The following SBF2 variants were observed in gnomAD, a reference collection of about 807,000 sequenced individuals.
The protein encoded by SBF2 is SET binding factor 2, also known as myotubularin-related protein 13.
Under a neutral mutation model 225.2 loss-of-function variants are expected in SBF2, and 112 were observed. That is an observed-to-expected ratio of 0.50 (90% CI 0.43 to 0.58). SBF2 has a LOEUF of 0.58. Ranked by LOEUF, SBF2 falls within the 20% of genes least tolerant of loss-of-function variation. The pLI, the probability that SBF2 is intolerant of heterozygous loss-of-function variation, is 0.00. For synonymous variants in SBF2, 763 were observed against 773.3 expected, an observed-to-expected ratio of 0.99 and a Z score of 0.22; for missense variants, 1,996 against 2,206.2, an observed-to-expected ratio of 0.90 and a Z score of 1.91.
At chr11:10,055,579 ATAC>A (rs1950228805) in intron 2 of SBF2, among the ~76,000 whole-genome samples, 1 of 151,034 alleles carries the variant, frequency 6.6e-6, no homozygotes, top group African/African-American at 2.4e-5. Flanking sequence ...ACACCATGGA[ATAC>A]TACTAACTCA....
intron 1 of SBF2, among the ~76,000 whole-genome samples, chr11:10,273,431 A>G (rs1196466565): frequency 6.6e-6 from 1 of 152,264 alleles, no homozygotes; most frequent in East Asian, 1.9e-4. Context: ...AGAAAAGACT[A>G]CAATGAATCA....
chr11:10,247,861 A>G (rs764151080), intron 1 of SBF2, among the ~76,000 whole-genome samples: 3 of 152,204 alleles, frequency 2.0e-5, no homozygotes, highest in Non-Finnish European at 4.4e-5. Context: ...GAGCCCTTAC[A>G]GTACCTGATT....
rs191272898 is a variant in SBF2, at chr11:9,917,813, C to T, written c.1861-21802G>A. 1.8e-3 allele frequency among the ~76,000 whole-genome samples: 272 copies of T among 151,502 alleles called. 13 individuals are homozygous for T. The highest frequency in any genetic ancestry group is 6.3e-3 in the African/African-American group (259 of 40,894). ...ACCACCCTCCTCAGCTCCATCTGACCGGACACCTCCAATTTGATGTCTTTA... is the reference window on the plus strand; with the variant it reads ...ACCACCCTCCTCAGCTCCATCTGACTGGACACCTCCAATTTGATGTCTTTA... On this transcript the variant is annotated intron_variant, in intron 16 of 39. Transcript: ENST00000256190.
rs1374386071 is a variant in SBF2, at chr11:10,097,787, C to A, written c.142-54806G>T. ...CATCCCTCCCCTAAAGCCGCACAGC[C>A]CAGTGCCAAGAGAGATCCAATCAGC... On this transcript the variant is annotated intron_variant, in intron 2 of 39. Transcript: ENST00000256190. Among the ~76,000 whole-genome samples the A allele has an allele frequency of 3.9e-5, 6 of 152,196 alleles. 1 individual carries two copies. The highest frequency in any genetic ancestry group is 4.2e-4 in the South Asian group (2 of 4,814).
chr11:9,846,870 A>G, intron 23 of SBF2, 86 bp downstream of exon 23: 5 of 1,444,520 alleles, frequency 3.5e-6, no homozygotes, highest in Non-Finnish European at 4.8e-6. Context: ...TTAACTTCTG[A>G]GCACATGACC....
intron 16 of SBF2, among the ~76,000 whole-genome samples, chr11:9,921,777 T>C (rs1863651166): frequency 6.6e-6 from 1 of 152,362 alleles, no homozygotes; most frequent in East Asian, 1.9e-4. Context: ...AAAACTTGCA[T>C]ACAGTCTCTT....
At chr11:9,924,329 G>A (rs1170735331) in intron 16 of SBF2, among the ~76,000 whole-genome samples, 6 of 152,120 alleles carry the variant, frequency 3.9e-5, no homozygotes, top group African/African-American at 1.2e-4. Flanking sequence ...AGATGATTCT[G>A]CCCAACTGTA....
chr11:10,042,829 T>C lies in SBF2; in HGVS notation c.279+15A>G, dbSNP rs369317603. The C allele has an allele frequency of 6.8e-6, 11 of 1,613,426 alleles. No individual in the cohort carries two copies. The African/African-American group carries it at 1.1e-4, about 16-fold the overall frequency. Reference sequence around the variant, plus strand: ...GTACCTTCGACTGTACTTTAGCTAGTAAAGGTTTTTGTACCTGAAGATTGA... The same window carrying C: ...GTACCTTCGACTGTACTTTAGCTAGCAAAGGTTTTTGTACCTGAAGATTGA... On this transcript the variant is annotated intron_variant, in intron 3 of 39. Transcript: ENST00000256190.
At chr11:10,117,126 T>C (rs1953177479) in intron 2 of SBF2, among the ~76,000 whole-genome samples, 1 of 152,100 alleles carries the variant, frequency 6.6e-6, no homozygotes, top group Non-Finnish European at 1.5e-5. Context: ...TACTGATACA[T>C]GAAGTAAGGA....
At chr11:9,962,849 G>C (rs760796879) in intron 15 of SBF2, among the ~76,000 whole-genome samples, 1 of 152,128 alleles carries the variant, frequency 6.6e-6, no homozygotes, top group Non-Finnish European at 1.5e-5. Context: ...ATAAGAAATA[G>C]GATGTGAAAG....
At chr11:10,057,321 C>T (rs1050643771) in intron 2 of SBF2, among the ~76,000 whole-genome samples, 2 of 152,178 alleles carry the variant, frequency 1.3e-5, no homozygotes, top group African/African-American at 2.4e-5. Flanking sequence ...CACAGCCTCT[C>T]TGCCACTACC....
chr11:9,864,695 T>C (rs910155470), intron 17 of SBF2, among the ~76,000 whole-genome samples: 3 of 151,932 alleles, frequency 2.0e-5, no homozygotes, highest in African/African-American at 7.3e-5. Context: ...TTGAACTCTG[T>C]TTTTAAACCA....
intron 16 of SBF2, chr11:9,958,094 A>G (rs547051881): frequency 6.6e-6 from 1 of 152,308 alleles, no homozygotes; most frequent in East Asian, 1.9e-4. Context: ...GGTCCCTCAA[A>G]GAAAAAATCC....
chr11:9,876,366 T>C (rs1423837659), intron 17 of SBF2, among the ~76,000 whole-genome samples: 2 of 152,226 alleles, frequency 1.3e-5, no homozygotes, highest in African/African-American at 4.8e-5. Flanking sequence ...TGAATGTTTG[T>C]GTCCCCCTTA....
chr11:10,007,384 G>A lies in SBF2; in HGVS notation c.620-4695C>T, dbSNP rs774823550. On this transcript the variant is annotated intron_variant, in intron 6 of 39. Coordinates refer to ENST00000256190, the MANE Select transcript of SBF2 (RefSeq NM_030962.4). ...AGTTTGACTCCAAAACCCTAAAAAG[G>A]GAAAGGCTAATATTTTTCTGTAACA... Among the ~76,000 whole-genome samples, 60 of 152,066 alleles carry A rather than the reference G, an allele frequency of 3.9e-4. 1 individual carries two copies. Among genetic ancestry groups the A allele is most frequent in the Non-Finnish European group, 1.0e-4 (7 of 68,010 alleles).
intron 35 of SBF2, 50 bp downstream of exon 35, chr11:9,789,059 T>C (rs759408887): frequency 5.3e-6 from 8 of 1,513,214 alleles, no homozygotes; most frequent in Non-Finnish European, 7.3e-6. Context: ...TTTGCCCTCA[T>C]GCCTCCAGGG....
intron 17 of SBF2, among the ~76,000 whole-genome samples, chr11:9,882,267 T>C (rs1297340800): frequency 6.6e-6 from 1 of 152,222 alleles, no homozygotes; most frequent in East Asian, 1.9e-4. Context: ...TTGAAAACTC[T>C]GCATTTGTAC....
intron 9 of SBF2, 77 bp downstream of exon 9, chr11:9,998,189 C>G: frequency 1.2e-6 from 1 of 869,020 alleles, no homozygotes; most frequent in South Asian, 1.4e-5. Context: ...ACTGCATTGA[C>G]AAACATTTTT....
chr11:10,205,849 T>A (rs899745686), intron 1 of SBF2, among the ~76,000 whole-genome samples: 1 of 151,928 alleles, frequency 6.6e-6, no homozygotes, highest in Non-Finnish European at 1.5e-5. Context: ...CAAGAGAAAC[T>A]GAGGTGTCCA....
Sources: allele counts gnomAD v4.1 joint callset (sites outside exome capture counted in the v4.1 genomes callset), GRCh38; gene constraint gnomAD v4.1.1; transcripts MANE v1.5; gene names NCBI Gene and HGNC (gene_info 2026-07-23, HGNC 2026-07-21).